SLC25A21: variants seen among roughly 807,000 people sequenced by gnomAD.
The protein encoded by SLC25A21 is mitochondrial 2-oxodicarboxylate carrier.
A neutral mutation model predicts 43.8 loss-of-function variants in SLC25A21; 47 were observed. That is an observed-to-expected ratio of 1.07 (90% CI 0.85 to 1.37). SLC25A21 has a LOEUF of 1.37. Among genes scored for constraint, SLC25A21 ranks in the 40% most tolerant of loss-of-function variants. SLC25A21 has a pLI of 0.00. For missense variants in SLC25A21, 352 were observed against 350.2 expected (o/e 1.00, Z -0.04); for synonymous variants, 131 against 121.3 (o/e 1.08, Z -0.52).
intron 1 of SLC25A21, among the ~76,000 whole-genome samples, chr14:36,973,905 TA>T (rs553506942): frequency 2.0e-5 from 3 of 151,668 alleles, no homozygotes; most frequent in East Asian, 1.9e-4. Flanking sequence ...AATTTTCAAA[TA>T]AAAAAAATTG....
At chr14:36,775,352 T>A (rs1886784266) in intron 3 of SLC25A21, among the ~76,000 whole-genome samples, 1 of 152,194 alleles carries the variant, frequency 6.6e-6, no homozygotes, top group Admixed American at 6.5e-5. Flanking sequence ...CTGTCTAAAG[T>A]AACCAGGGAA....
intron 1 of SLC25A21, among the ~76,000 whole-genome samples, chr14:37,053,054 T>C (rs1279121559): frequency 6.6e-6 from 1 of 152,226 alleles, no homozygotes; most frequent in Non-Finnish European, 1.5e-5. Flanking sequence ...CAAATCAATA[T>C]ATCTGTTTTA....
At chr14:36,738,486 G>A (rs149942535) in intron 3 of SLC25A21, among the ~76,000 whole-genome samples, 2 of 152,186 alleles carry the variant, frequency 1.3e-5, no homozygotes, top group Non-Finnish European at 2.9e-5. Context: ...CTTATGTCAC[G>A]AGCAGCCAAG....
chr14:36,984,377 G>A (rs902733947), intron 1 of SLC25A21, among the ~76,000 whole-genome samples: 2 of 152,112 alleles, frequency 1.3e-5, no homozygotes, highest in Non-Finnish European at 2.9e-5. Context: ...GGGGGAAACT[G>A]TTACATTTCA....
chr14:36,764,026 G>T (rs74478271), intron 3 of SLC25A21, among the ~76,000 whole-genome samples: 4,560 of 97,452 alleles, frequency 0.047, 250 homozygotes, highest in Middle Eastern at 0.12. Flanking sequence ...AAGACTCTGT[G>T]AAAGAAAGAA....
Position 37,025,608 on chromosome 14 carries a change from T to C in SLC25A21, c.70+146673A>G, listed in dbSNP as rs182816987. ...AATAGAAAATATAAACAAACATATA[T>C]ACTACAAAGCTGTGCCAGCAAAAGA... On this transcript the variant is annotated intron_variant, in intron 1 of 9. Transcript: ENST00000331299. Among the ~76,000 whole-genome samples, 23 of 152,292 alleles carry C rather than the reference T, an allele frequency of 1.5e-4. No individual in the cohort carries two copies. In the East Asian group the frequency reaches 4.2e-3, roughly 28 times the overall value.
At chr14:37,119,751 G>A (rs1420439460) in intron 1 of SLC25A21, among the ~76,000 whole-genome samples, 1 of 151,970 alleles carries the variant, frequency 6.6e-6, no homozygotes, top group African/African-American at 2.4e-5. Flanking sequence ...CGTCTCTTGG[G>A]GTCTGGATGG....
chr14:36,914,838 C>G (rs1263693315), intron 1 of SLC25A21, among the ~76,000 whole-genome samples: 2 of 152,014 alleles, frequency 1.3e-5, no homozygotes, highest in Non-Finnish European at 1.5e-5. Flanking sequence ...TTACACAAAG[C>G]AAGTACTTTA....
Position 36,764,199 on chromosome 14 carries a change from A to AAAGAAAGAAAGAAACT in SLC25A21, c.204-29627_204-29626insAGTTTCTTTCTTTCTT, listed in dbSNP as rs1566588491. The stretch of plus-strand genomic sequence containing the variant: ...AAGAAAGAAAGAAAGAAAGAGAAAG[A>AAAGAAAGAAAGAAACT]AAGAAACTGTTAGCTTCCCAGGACA... On this transcript the variant is annotated intron_variant, in intron 3 of 9. Coordinates refer to ENST00000331299, the MANE Select transcript of SLC25A21 (RefSeq NM_030631.4). Among the ~76,000 whole-genome samples the AAAGAAAGAAAGAAACT allele has an allele frequency of 6.1e-4, 90 of 146,932 alleles. 1 individual carries two copies. Among genetic ancestry groups the AAAGAAAGAAAGAAACT allele is most frequent in the African/African-American group, 2.3e-3 (85 of 37,394 alleles).
intron 1 of SLC25A21, among the ~76,000 whole-genome samples, chr14:36,966,097 A>G (rs182349535): frequency 6.0e-4 from 91 of 152,358 alleles, no homozygotes; most frequent in African/African-American, 1.7e-3. Flanking sequence ...AACGTAAGAA[A>G]CACACAGTGG....
intron 6 of SLC25A21, among the ~76,000 whole-genome samples, chr14:36,716,725 C>T (rs151079260): frequency 3.0e-4 from 45 of 152,182 alleles, no homozygotes; most frequent in Middle Eastern, 3.4e-3. Flanking sequence ...TGACTACTGA[C>T]GATACCTGGC....
rs573031247 is a variant in SLC25A21, at chr14:36,823,225, A to C, written c.120-9224T>G. Among the ~76,000 whole-genome samples the C allele has an allele frequency of 3.3e-5, 5 of 152,288 alleles. No homozygotes were observed. In the East Asian group the frequency reaches 9.7e-4, roughly 29 times the overall value. Reference sequence around the variant, plus strand: ...AATGATCATGAGAGATTACAACCTAAATCTAATAATGTTAAACCACAAGTA... The same window carrying C: ...AATGATCATGAGAGATTACAACCTACATCTAATAATGTTAAACCACAAGTA... On this transcript the variant is annotated intron_variant, in intron 2 of 9. Coordinates refer to ENST00000331299, the MANE Select transcript of SLC25A21 (RefSeq NM_030631.4).
chr14:37,071,422 A>G (rs1002630321), intron 1 of SLC25A21, among the ~76,000 whole-genome samples: 1 of 152,194 alleles, frequency 6.6e-6, no homozygotes, highest in Non-Finnish European at 1.5e-5. Flanking sequence ...ATGAGTTTAT[A>G]GAAAAGAAGA....
intron 1 of SLC25A21, among the ~76,000 whole-genome samples, chr14:37,154,441 C>T (rs1234675570): frequency 3.5e-5 from 5 of 144,572 alleles, no homozygotes. Context: ...CAGATATAAA[C>T]ATAAAGACAC....
chr14:36,966,802 G>A (rs1298313377), intron 1 of SLC25A21, among the ~76,000 whole-genome samples: 1 of 152,054 alleles, frequency 6.6e-6, no homozygotes, highest in Admixed American at 6.6e-5. Context: ...TTCTGGTTGG[G>A]GAACTTGGGG....
intron 1 of SLC25A21, among the ~76,000 whole-genome samples, chr14:37,027,095 G>A (rs762947965): frequency 3.3e-5 from 5 of 152,170 alleles, no homozygotes; most frequent in Non-Finnish European, 5.9e-5. Flanking sequence ...AGCAGGGACA[G>A]CGTGTTTATT....
intron 2 of SLC25A21, among the ~76,000 whole-genome samples, chr14:36,838,457 G>A (rs1889282378): frequency 6.6e-6 from 1 of 152,156 alleles, no homozygotes; most frequent in African/African-American, 2.4e-5. Flanking sequence ...TACTAAGATT[G>A]TGTATCTTTT....
chr14:36,871,193 G>A (rs1309980996), intron 2 of SLC25A21, among the ~76,000 whole-genome samples: 5 of 151,992 alleles, frequency 3.3e-5, no homozygotes, highest in Non-Finnish European at 7.4e-5. Flanking sequence ...GCCTTTAGGA[G>A]GTCATGAGGG....
At chr14:37,136,089 A>ATACC (rs1021069953) in intron 1 of SLC25A21, among the ~76,000 whole-genome samples, 1 of 152,216 alleles carries the variant, frequency 6.6e-6, no homozygotes, top group Non-Finnish European at 1.5e-5. Context: ...GTTTGGAATG[A>ATACC]TACCTAGCAC....
Sources: gnomAD v4.1 joint callset for allele counts (sites outside exome capture counted in the v4.1 genomes callset) on GRCh38, gnomAD v4.1.1 for gene constraint, MANE v1.5 for transcripts, NCBI Gene and HGNC (gene_info 2026-07-23, HGNC 2026-07-21) for gene names.